RYR3: variants seen among roughly 807,000 people sequenced by gnomAD.
RYR3 encodes the protein brain ryanodine receptor-calcium release channel.
Under a neutral mutation model 584.3 loss-of-function variants are expected in RYR3, and 207 were observed. The observed-to-expected ratio is 0.35, with a 90% CI of 0.32 to 0.40. RYR3 has a LOEUF of 0.40. Among genes scored for constraint, RYR3 ranks in the 10% least tolerant of loss-of-function variants. RYR3 has a pLI of 1.00. For synonymous variants in RYR3, 2,416 were observed against 2,248.5 expected (o/e 1.07, Z -2.11); for missense variants, 5,616 against 6,089.2 (o/e 0.92, Z 2.59).
intron 3 of RYR3, among the ~76,000 whole-genome samples, chr15:33,517,153 T>A (rs1268191965): frequency 6.6e-6 from 1 of 152,194 alleles, no homozygotes; most frequent in Middle Eastern, 3.4e-3. Context: ...TGCCACCACA[T>A]CCAGCTAATT....
chr15:33,858,788 A>G (rs2080004659), intron 99 of RYR3: 1 of 152,170 alleles, frequency 6.6e-6, no homozygotes, highest in Admixed American at 6.5e-5. Flanking sequence ...TTTTGACCAG[A>G]TTTCAGAAAA....
At chr15:33,360,762 G>T (rs778902949) in intron 1 of RYR3, among the ~76,000 whole-genome samples, 8 of 152,244 alleles carry the variant, frequency 5.3e-5, no homozygotes, top group Admixed American at 2.6e-4. Context: ...CACCTGGGTG[G>T]CTTAACTCCA....
intron 30 of RYR3, 37 bp from the exon 31 acceptor site, chr15:33,649,035 T>C (rs552090425): frequency 1.9e-6 from 3 of 1,580,882 alleles, no homozygotes; most frequent in Non-Finnish European, 8.6e-7. Context: ...GGATGGGGGC[T>C]GGGGGCCATT....
At chr15:33,734,392 A>G (rs72713285) in intron 48 of RYR3, among the ~76,000 whole-genome samples, 3,200 of 152,318 alleles carry the variant, frequency 0.021, 57 homozygotes, top group Middle Eastern at 0.058. Flanking sequence ...ATTTGTTTTT[A>G]TGAGCCTCTA....
At chr15:33,336,287 C>T (rs1341139159) in intron 1 of RYR3, among the ~76,000 whole-genome samples, 1 of 151,534 alleles carries the variant, frequency 6.6e-6, no homozygotes, top group Non-Finnish European at 1.5e-5. Context: ...CAAAAATTAG[C>T]CACCCGTGGT....
At chr15:33,606,906 G>A (rs969548627) in intron 18 of RYR3, among the ~76,000 whole-genome samples, 4 of 152,196 alleles carry the variant, frequency 2.6e-5, no homozygotes, top group African/African-American at 7.2e-5. Flanking sequence ...CGAATGAATG[G>A]AGTAAAATTG....
chr15:33,731,595 T>C lies in RYR3; in HGVS notation c.7325T>C (p.Ile2442Thr), dbSNP rs1178945204. ...GGAACAGAACACTGCACCTCTCTGA[T>C]TGATTCCACACTGCAGACAATATAC... ...FAGTEHCTSL[I>T]DSTLQTIYRL... is the part of the protein sequence containing the mutation. The change falls in exon 48 of 104, where the codon ATT becomes ACT. Residue 2442 changes from isoleucine to threonine, a missense_variant. This residue lies in a region of RYR3 where 1,280 missense variants were observed against 1,426.2 expected (regional missense o/e 0.90). Transcript: ENST00000634891. 1 of 1,613,888 alleles carries C rather than the reference T, an allele frequency of 6.2e-7. No homozygotes were observed. The highest frequency in any genetic ancestry group is 8.5e-7 in the Non-Finnish European group (1 of 1,179,748).
intron 1 of RYR3, among the ~76,000 whole-genome samples, chr15:33,460,477 C>T (rs777844449): frequency 3.3e-5 from 5 of 152,196 alleles, no homozygotes; most frequent in East Asian, 1.9e-4. Flanking sequence ...ACTGGATTTA[C>T]ACCACTACTT....
At chr15:33,387,199 T>A (rs2041666230) in intron 1 of RYR3, among the ~76,000 whole-genome samples, 1 of 152,204 alleles carries the variant, frequency 6.6e-6, no homozygotes, top group South Asian at 2.1e-4. Context: ...CCCTTGTATG[T>A]ATATACTATG....
chr15:33,364,261 G>T (rs1975168922), intron 1 of RYR3, among the ~76,000 whole-genome samples: 1 of 151,874 alleles, frequency 6.6e-6, no homozygotes, highest in East Asian at 1.9e-4. Flanking sequence ...GGACCAGGCT[G>T]CACTAAACCA....
chr15:33,332,484 T>C (rs1171950857), intron 1 of RYR3, among the ~76,000 whole-genome samples: 1 of 148,458 alleles, frequency 6.7e-6, no homozygotes, highest in African/African-American at 2.4e-5. Flanking sequence ...TCAGCAGTTA[T>C]AGAATACATA....
chr15:33,722,696 C>G lies in RYR3; in HGVS notation c.6620-19C>G. On this transcript the variant is annotated intron_variant, in intron 43 of 103. Coordinates refer to ENST00000634891, the MANE Select transcript of RYR3 (RefSeq NM_001036.6). ...GTTGTCCTTTTCATTGAGAAGGAAA[C>G]AGTGCCTGTCTTCCTCAGGTGAGAG... 1 of 1,604,864 alleles carries G rather than the reference C, an allele frequency of 6.2e-7. No homozygotes were observed. The highest frequency in any genetic ancestry group is 1.1e-5 in the South Asian group (1 of 90,514).
intron 1 of RYR3, among the ~76,000 whole-genome samples, chr15:33,389,321 C>G (rs1311086211): frequency 6.6e-6 from 1 of 152,072 alleles, no homozygotes; most frequent in Non-Finnish European, 1.5e-5. Context: ...ATCAATAGAT[C>G]ATATCTAAAA....
chr15:33,569,855 C>CATTTTATTA (rs2057926619), intron 12 of RYR3, among the ~76,000 whole-genome samples: 1 of 151,438 alleles, frequency 6.6e-6, no homozygotes, highest in Admixed American at 6.6e-5. Context: ...TGATACTGGA[C>CATTTTATTA]ATTTTATCAT....
intron 18 of RYR3, among the ~76,000 whole-genome samples, chr15:33,611,891 T>C (rs2060211455): frequency 6.6e-6 from 1 of 152,120 alleles, no homozygotes; most frequent in Admixed American, 6.5e-5. Flanking sequence ...ACTCCTGAGC[T>C]CAAGCGATCT....
intron 3 of RYR3, among the ~76,000 whole-genome samples, chr15:33,523,532 G>A (rs1289423562): frequency 1.3e-5 from 2 of 152,070 alleles, no homozygotes; most frequent in Non-Finnish European, 2.9e-5. Flanking sequence ...CCCACCAGAA[G>A]GAACCAGTTC....
At chr15:33,406,199 A>G (rs1225738244) in intron 1 of RYR3, among the ~76,000 whole-genome samples, 4 of 152,188 alleles carry the variant, frequency 2.6e-5, no homozygotes, top group Non-Finnish European at 5.9e-5. Flanking sequence ...TCATGGGTAC[A>G]TGGAAATAGG....
At chr15:33,600,939 G>A (rs1201910799) in intron 16 of RYR3, among the ~76,000 whole-genome samples, 1 of 152,164 alleles carries the variant, frequency 6.6e-6, no homozygotes, top group Non-Finnish European at 1.5e-5. Flanking sequence ...CATCAGGGCT[G>A]GGTGAGAGTG....
chr15:33,613,413 AC>A (rs2060293577), intron 19 of RYR3, 38 bp downstream of exon 19: 1 of 1,540,720 alleles, frequency 6.5e-7, no homozygotes, highest in South Asian at 1.3e-5. Context: ...AGTAGCAGTT[AC>A]CCCACCTCCC....
Sources: gnomAD v4.1 joint callset for allele counts (sites outside exome capture counted in the v4.1 genomes callset) on GRCh38, gnomAD v4.1.1 for gene constraint, gnomAD v4.1.1 regional missense constraint, MANE v1.5 for transcripts, NCBI Gene and HGNC (gene_info 2026-07-23, HGNC 2026-07-21) for gene names.